Variants in STK3 observed in about 807,000 individuals in gnomAD.
The protein encoded by STK3 is serine/threonine kinase 3, also known as serine/threonine-protein kinase 3.
A neutral mutation model predicts 58.0 loss-of-function variants in STK3; 41 were observed. That is an observed-to-expected ratio of 0.71 (90% CI 0.55 to 0.92). The LOEUF is 0.92. Among genes scored for constraint, STK3 ranks in the 40% least tolerant of loss-of-function variants. The pLI is 0.00. For missense variants in STK3, 479 were observed against 602.7 expected (o/e 0.79, Z 2.15); for synonymous variants, 170 against 191.0 (o/e 0.89, Z 0.91).
chr8:98,569,392 G>C (rs1412328290), intron 8 of STK3, among the ~76,000 whole-genome samples: 1 of 151,922 alleles, frequency 6.6e-6, no homozygotes, highest in Non-Finnish European at 1.5e-5. Context: ...GATGTTGAAA[G>C]GAAGTCTTAG....
intron 3 of STK3, among the ~76,000 whole-genome samples, chr8:98,873,649 C>A (rs1425693528): frequency 6.6e-6 from 1 of 151,566 alleles, no homozygotes; most frequent in African/African-American, 2.4e-5. Context: ...TTATCAGAGA[C>A]TAGGATTGCA....
intron 9 of STK3, among the ~76,000 whole-genome samples, chr8:98,532,617 A>T (rs576025058): frequency 6.6e-6 from 1 of 152,354 alleles, no homozygotes; most frequent in East Asian, 1.9e-4. Flanking sequence ...TTCAATCTGT[A>T]AAACACAGAA....
downstream of STK3, among the ~76,000 whole-genome samples, chr8:98,452,082 T>C (rs1819223860): frequency 6.6e-6 from 1 of 152,214 alleles, no homozygotes; most frequent in Non-Finnish European, 1.5e-5. Context: ...ACATACAGGA[T>C]AGGAAATGAA....
intron 6 of STK3, among the ~76,000 whole-genome samples, chr8:98,696,756 T>C (rs1382355899): frequency 6.6e-6 from 1 of 152,182 alleles, no homozygotes; most frequent in Non-Finnish European, 1.5e-5. Flanking sequence ...GGATTCGTTT[T>C]GCCAGTATTT....
At chr8:98,933,256 A>G (rs1184368038) in intron 1 of STK3, among the ~76,000 whole-genome samples, 1 of 152,224 alleles carries the variant, frequency 6.6e-6, no homozygotes, top group Non-Finnish European at 1.5e-5. Flanking sequence ...ACATGTAATA[A>G]CACCCTAAAA....
chr8:98,688,664 T>G (rs1413691198), intron 6 of STK3, among the ~76,000 whole-genome samples: 1 of 152,082 alleles, frequency 6.6e-6, no homozygotes, highest in African/African-American at 2.4e-5. Context: ...AACGTGCTCC[T>G]GAATGACTTT....
intron 1 of STK3, among the ~76,000 whole-genome samples, chr8:98,448,608 C>A (rs773383255): frequency 4.3e-4 from 65 of 152,280 alleles, no homozygotes; most frequent in Admixed American, 3.9e-4. Context: ...AGCTTCCACT[C>A]AACTAATTAC....
chr8:98,801,567 A>G (rs1833549372), intron 1 of STK3, among the ~76,000 whole-genome samples: 1 of 152,110 alleles, frequency 6.6e-6, no homozygotes, highest in Non-Finnish European at 1.5e-5. Context: ...ACACTGCTTT[A>G]AGAGCTGTAA....
intron 1 of STK3, among the ~76,000 whole-genome samples, chr8:98,908,113 T>A (rs1178295574): frequency 6.6e-6 from 1 of 152,240 alleles, no homozygotes; most frequent in African/African-American, 2.4e-5. Context: ...TTGGTTGTTT[T>A]TCTTTTTGTG....
chr8:98,877,611 G>A (rs1404248295), intron 3 of STK3, among the ~76,000 whole-genome samples: 1 of 152,132 alleles, frequency 6.6e-6, no homozygotes, highest in Non-Finnish European at 1.5e-5. Flanking sequence ...AGCCTCTCAA[G>A]TAGCTGGGAT....
chr8:98,794,944 G>A (rs1214165313), intron 1 of STK3, among the ~76,000 whole-genome samples: 3 of 151,094 alleles, frequency 2.0e-5, no homozygotes, highest in Non-Finnish European at 2.9e-5. Context: ...GTGCATGCCT[G>A]TAATCCCAGC....
At chr8:98,765,323 A>G (rs1830873889) in intron 3 of STK3, among the ~76,000 whole-genome samples, 2 of 152,204 alleles carry the variant, frequency 1.3e-5, no homozygotes, top group African/African-American at 4.8e-5. Context: ...TATGTAACAT[A>G]ATTTAAATAT....
intron 1 of STK3, among the ~76,000 whole-genome samples, chr8:98,445,737 G>A (rs924278143): frequency 1.3e-5 from 2 of 152,142 alleles, no homozygotes; most frequent in Non-Finnish European, 2.9e-5. Context: ...ATATAAACCT[G>A]TCTCCTCAGA....
chr8:98,731,221 C>CTTGG (rs1351230985), intron 4 of STK3, among the ~76,000 whole-genome samples: 8 of 152,096 alleles, frequency 5.3e-5, no homozygotes, highest in African/African-American at 1.9e-4. Context: ...AAGTAAACCC[C>CTTGG]AGAAGGACTC....
At chr8:98,796,683 T>C (rs1833187028) in intron 1 of STK3, among the ~76,000 whole-genome samples, 1 of 152,178 alleles carries the variant, frequency 6.6e-6, no homozygotes, top group African/African-American at 2.4e-5. Context: ...ATCTACAGAA[T>C]AGGAGAAAAT....
chr8:98,375,530 AG>A (rs1334621198), intron 2 of STK3, among the ~76,000 whole-genome samples: 1 of 152,216 alleles, frequency 6.6e-6, no homozygotes, highest in Non-Finnish European at 1.5e-5. Flanking sequence ...CACCTGTAAA[AG>A]CCCTGCTGTG....
At chr8:98,750,541 G>A (rs1289963641) in intron 3 of STK3, among the ~76,000 whole-genome samples, 1 of 151,678 alleles carries the variant, frequency 6.6e-6, no homozygotes, top group Non-Finnish European at 1.5e-5. Context: ...AAGACTGTCA[G>A]GGAAGACTTC....
chr8:98,863,878 G>A (rs1462796142), intron 3 of STK3, among the ~76,000 whole-genome samples: 7 of 151,982 alleles, frequency 4.6e-5, no homozygotes, highest in African/African-American at 1.7e-4. Flanking sequence ...TGTTGGGTGG[G>A]GCTTCTAGGA....
chr8:98,698,914 T>C (rs966497368), intron 6 of STK3, among the ~76,000 whole-genome samples: 2 of 152,054 alleles, frequency 1.3e-5, no homozygotes, highest in Non-Finnish European at 2.9e-5. Flanking sequence ...TTGGCCTGCC[T>C]TGCTAGATTG....
Sources: gnomAD v4.1 joint callset for allele counts (sites outside exome capture counted in the v4.1 genomes callset) on GRCh38, gnomAD v4.1.1 for gene constraint, MANE v1.5 for transcripts, NCBI Gene and HGNC (gene_info 2026-07-23, HGNC 2026-07-21) for gene names.